The following ELF2 variants were observed in gnomAD, a reference collection of about 807,000 sequenced individuals.
ELF2 encodes the protein E74 like ETS transcription factor 2, also known as ETS-related transcription factor Elf-2.
A neutral mutation model predicts 54.8 loss-of-function variants in ELF2; 11 were observed. The observed-to-expected ratio is 0.20, with a 90% CI of 0.13 to 0.33. The LOEUF is 0.33. Among genes scored for constraint, ELF2 ranks in the 10% least tolerant of loss-of-function variants. The pLI is 1.00. For missense variants in ELF2, 513 were observed against 703.0 expected, an observed-to-expected ratio of 0.73 and a Z score of 3.06; for synonymous variants, 203 against 245.1, an observed-to-expected ratio of 0.83 and a Z score of 1.61.
Position 139,137,888 on chromosome 4 carries a change from A to G in ELF2, c.-166-21T>C, listed in dbSNP as rs1261275885. ...AAAGCCTAAAAAGAGGAAGAATTTGAAAAGTTATTTTAAAAATTACAGGAA... is the reference window on the plus strand; with the variant it reads ...AAAGCCTAAAAAGAGGAAGAATTTGGAAAGTTATTTTAAAAATTACAGGAA... On this transcript the variant is annotated intron_variant, in intron 2 of 9. Coordinates refer to ENST00000686138, the MANE Select transcript of ELF2 (RefSeq NM_001331036.3). 6 of 1,296,990 alleles carry G rather than the reference A, an allele frequency of 4.6e-6. No homozygotes were observed. In the East Asian group the frequency reaches 1.4e-4, roughly 31 times the overall value. The allele number at this position is 1,296,990 out of a possible 1,614,324, so 80.3% of individuals were successfully genotyped here.
chr4:139,126,474 C>T (rs773352426), intron 3 of ELF2, among the ~76,000 whole-genome samples: 3 of 151,566 alleles, frequency 2.0e-5, no homozygotes, highest in African/African-American at 7.3e-5. Context: ...TTGAAAGGAC[C>T]CACCAAGTGT....
intron 4 of ELF2, among the ~76,000 whole-genome samples, chr4:139,077,571 ACTAT>A (rs754783731): frequency 1.9e-4 from 29 of 152,228 alleles, no homozygotes; most frequent in Non-Finnish European, 2.6e-4. Context: ...AAAAGTGAGC[ACTAT>A]CTTTTTATTT....
At chr4:139,149,009 A>T (rs912470047) in intron 1 of ELF2, among the ~76,000 whole-genome samples, 1 of 152,238 alleles carries the variant, frequency 6.6e-6, no homozygotes, top group Non-Finnish European at 1.5e-5. Flanking sequence ...AAATTCAACC[A>T]AGACTCAAAA....
chr4:139,162,180 T>A (rs1256065207), intron 1 of ELF2, among the ~76,000 whole-genome samples: 1 of 150,450 alleles, frequency 6.6e-6, no homozygotes, highest in African/African-American at 2.5e-5. Flanking sequence ...GCCTGGGCAA[T>A]AAGAGCAAAA....
At chr4:139,122,585 T>A (rs1028363029) in intron 4 of ELF2, among the ~76,000 whole-genome samples, 1 of 152,074 alleles carries the variant, frequency 6.6e-6, no homozygotes, top group South Asian at 2.1e-4. Flanking sequence ...CACCACAACC[T>A]CCACCTCCTG....
Position 139,058,972 on chromosome 4 carries a change from G to A in ELF2, c.*11C>T, listed in dbSNP as rs530768708. 1.0e-4 allele frequency: 166 copies of A among 1,592,122 alleles called. 1 individual carries two copies. The South Asian group carries it at 1.7e-3, about 16-fold the overall frequency. ...CACTAACAGCCTGAAGTCCATGGTGGAGCTGCTATTTTATTTCTCACATGT... is the reference window on the plus strand; with the variant it reads ...CACTAACAGCCTGAAGTCCATGGTGAAGCTGCTATTTTATTTCTCACATGT... On this transcript the variant is annotated 3_prime_UTR_variant, in exon 10 of 10. Transcript: ENST00000686138.
intron 4 of ELF2, among the ~76,000 whole-genome samples, chr4:139,094,336 C>CCTGT (rs1243238860): frequency 6.6e-6 from 1 of 152,184 alleles, no homozygotes; most frequent in Non-Finnish European, 1.5e-5. Context: ...GGACCAAAGC[C>CCTGT]ATCACAGCAG....
chr4:139,139,593 A>C (rs1328585848), intron 1 of ELF2, 96 bp from the exon 2 acceptor site: 2 of 561,934 alleles, frequency 3.6e-6, no homozygotes, highest in Non-Finnish European at 5.0e-6. Context: ...ATACTTAATA[A>C]AACAAATCAC....
chr4:139,064,092 T>C (rs1728299355), intron 7 of ELF2, among the ~76,000 whole-genome samples: 1 of 152,208 alleles, frequency 6.6e-6, no homozygotes, highest in Non-Finnish European at 1.5e-5. Context: ...GTGGATCACC[T>C]GAGGTCAGGA....
chr4:139,146,779 C>A (rs1739261824), intron 1 of ELF2, among the ~76,000 whole-genome samples: 2 of 152,084 alleles, frequency 1.3e-5, no homozygotes, highest in African/African-American at 4.8e-5. Flanking sequence ...GGAAAGGACA[C>A]CCTATTTATT....
intron 4 of ELF2, among the ~76,000 whole-genome samples, chr4:139,123,182 C>CAAA (rs762824168): frequency 3.0e-5 from 2 of 67,338 alleles, no homozygotes; most frequent in Admixed American, 1.7e-4. Flanking sequence ...GACTCTGTCT[C>CAAA]AAAAAAAAAA....
chr4:139,093,122 C>G (rs1732858831), intron 4 of ELF2, among the ~76,000 whole-genome samples: 1 of 151,790 alleles, frequency 6.6e-6, no homozygotes, highest in Non-Finnish European at 1.5e-5. Flanking sequence ...CCTGCCACCA[C>G]GCCCGGCTAA....
intron 4 of ELF2, among the ~76,000 whole-genome samples, chr4:139,082,439 CAG>C (rs1220969861): frequency 6.6e-6 from 1 of 152,226 alleles, no homozygotes; most frequent in Non-Finnish European, 1.5e-5. Context: ...AACTGTCAAA[CAG>C]ATGTGTTTTA....
chr4:139,076,877 C>T (rs958980325), intron 4 of ELF2, among the ~76,000 whole-genome samples: 1 of 152,084 alleles, frequency 6.6e-6, no homozygotes, highest in Non-Finnish European at 1.5e-5. Flanking sequence ...TAAAATTCAA[C>T]ATATTATATC....
At chr4:139,139,940 T>A (rs950580885) in intron 1 of ELF2, among the ~76,000 whole-genome samples, 22 of 151,776 alleles carry the variant, frequency 1.4e-4, no homozygotes, top group African/African-American at 2.4e-4. Flanking sequence ...GGAAAAAAAA[T>A]TTTTTAGAGT....
chr4:139,116,826 C>G (rs562358894), intron 4 of ELF2: 1 of 646,206 alleles, frequency 1.5e-6, no homozygotes, highest in East Asian at 1.4e-4. Context: ...ATAACAAATA[C>G]AAAAGTTATG....
At chr4:139,112,084 G>C (rs909845979) in intron 4 of ELF2, among the ~76,000 whole-genome samples, 1 of 152,092 alleles carries the variant, frequency 6.6e-6, no homozygotes, top group African/African-American at 2.4e-5. Flanking sequence ...CAGATACAAA[G>C]CTTTAAAAGC....
chr4:139,085,143 T>C (rs1731834678), intron 4 of ELF2, among the ~76,000 whole-genome samples: 1 of 152,160 alleles, frequency 6.6e-6, no homozygotes, highest in South Asian at 2.1e-4. Flanking sequence ...CAAATACATA[T>C]TAAAATACAA....
chr4:139,093,462 A>C (rs1732900011), intron 4 of ELF2, among the ~76,000 whole-genome samples: 3 of 152,352 alleles, frequency 2.0e-5, no homozygotes, highest in African/African-American at 7.2e-5. Flanking sequence ...TTATTTTATG[A>C]GTCTAGTGTA....
Sources: allele counts gnomAD v4.1 joint callset (sites outside exome capture counted in the v4.1 genomes callset), GRCh38; gene constraint gnomAD v4.1.1; transcripts MANE v1.5; gene names NCBI Gene and HGNC (gene_info 2026-07-23, HGNC 2026-07-21).